PAK2: variants seen among roughly 807,000 people sequenced by gnomAD.
The protein encoded by PAK2 is p21 (RAC1) activated kinase 2.
Under a neutral mutation model 65.9 loss-of-function variants are expected in PAK2, and 21 were observed. The ratio of observed to expected loss-of-function variants is 0.32; its 90% confidence interval spans 0.23 to 0.46. The LOEUF is 0.46. Ranked by LOEUF, PAK2 falls within the 20% of genes least tolerant of loss-of-function variation. PAK2 has a pLI of 1.00. For missense variants in PAK2, 324 were observed against 642.6 expected (o/e 0.50, Z 5.36); for synonymous variants, 204 against 219.7 (o/e 0.93, Z 0.63).
chr3:196,778,542 A>G (rs1225535189), intron 1 of PAK2, among the ~76,000 whole-genome samples: 1 of 152,212 alleles, frequency 6.6e-6, no homozygotes, highest in Non-Finnish European at 1.5e-5. Flanking sequence ...GATTTCCTGT[A>G]TACCTATCAC....
At chr3:196,765,035 G>A (rs185462550) in intron 1 of PAK2, among the ~76,000 whole-genome samples, 8,781 of 151,000 alleles carry the variant, frequency 0.058, 347 homozygotes, top group African/African-American at 0.11. Flanking sequence ...TAGTAGAGAC[G>A]AGGTTTCACC....
chr3:196,786,241 C>T (rs534884442), intron 2 of PAK2, among the ~76,000 whole-genome samples: 7 of 151,534 alleles, frequency 4.6e-5, no homozygotes, highest in South Asian at 2.1e-4. Flanking sequence ...CAGCTCTCTG[C>T]AACCTCCGCC....
chr3:196,765,979 A>C (rs978351823), intron 1 of PAK2, among the ~76,000 whole-genome samples: 1 of 151,320 alleles, frequency 6.6e-6, no homozygotes, highest in East Asian at 1.9e-4. Context: ...GGCTCACTGC[A>C]AGCTCCACCT....
chr3:196,817,774 A>G (rs1391161916), intron 11 of PAK2, among the ~76,000 whole-genome samples: 1 of 152,182 alleles, frequency 6.6e-6, no homozygotes, highest in Admixed American at 6.6e-5. Flanking sequence ...GCAAGACATT[A>G]TACAGACCCA....
chr3:196,797,823 A>G (rs1045502508), intron 2 of PAK2, among the ~76,000 whole-genome samples: 2 of 152,234 alleles, frequency 1.3e-5, no homozygotes, highest in African/African-American at 2.4e-5. Flanking sequence ...TAATTCAATT[A>G]GAAATCAGTC....
At chr3:196,813,138 C>T (rs1269519857) in intron 10 of PAK2, among the ~76,000 whole-genome samples, 2 of 152,048 alleles carry the variant, frequency 1.3e-5, no homozygotes, top group East Asian at 1.9e-4. Context: ...GGCTGTGATT[C>T]GTGTCTTGAC....
chr3:196,744,432 G>A (rs1713302624), intron 1 of PAK2, among the ~76,000 whole-genome samples: 1 of 152,102 alleles, frequency 6.6e-6, no homozygotes, highest in African/African-American at 2.4e-5. Context: ...AAAATTCTTT[G>A]GGAGACTGAG....
intron 1 of PAK2, among the ~76,000 whole-genome samples, chr3:196,752,586 T>TTTTA (rs988043611): frequency 4.6e-5 from 7 of 152,006 alleles, no homozygotes; most frequent in African/African-American, 7.3e-5. Flanking sequence ...GGTAATTTTG[T>TTTTA]TTTATTTATT....
intron 2 of PAK2, chr3:196,784,940 C>G (rs1714835879): frequency 6.6e-6 from 1 of 152,198 alleles, no homozygotes; most frequent in East Asian, 1.9e-4. Context: ...GAGATGGTAT[C>G]TCATTGTGGT....
chr3:196,797,073 A>G (rs974428976), intron 2 of PAK2, among the ~76,000 whole-genome samples: 1 of 152,146 alleles, frequency 6.6e-6, no homozygotes, highest in African/African-American at 2.4e-5. Context: ...CGTAACTATC[A>G]GCCAACTTGA....
In PAK2 at chr3:196,803,109, A is replaced by G. The variant is rs757566107; in HGVS notation, c.381A>G (p.Leu127=). ...KKNPQAVLDV[L]KFYDSNTVKQ... The stretch of plus-strand genomic sequence containing the variant: ...ATCCTCAGGCTGTGCTGGATGTCCT[A>G]AAGTTCTACGACTCCAACACAGTGA... The change falls in exon 4 of 15, where the codon CTA becomes CTG. Residue 127 remains leucine (L), a synonymous_variant. Transcript: ENST00000327134. 5 of 1,613,096 alleles carry G rather than the reference A, an allele frequency of 3.1e-6. No homozygotes were observed. Among genetic ancestry groups the G allele is most frequent in the African/African-American group, 2.7e-5 (2 of 74,888 alleles).
chr3:196,806,482 CAAA>C, intron 5 of PAK2, 94 bp from the exon 6 acceptor site: 3 of 729,624 alleles, frequency 4.1e-6, no homozygotes, highest in South Asian at 3.1e-5. Flanking sequence ...AATGAGCTAT[CAAA>C]GAAGCAAACT....
intron 1 of PAK2, among the ~76,000 whole-genome samples, chr3:196,775,146 A>G (rs569257141): frequency 4.3e-4 from 65 of 152,200 alleles, no homozygotes; most frequent in Non-Finnish European, 8.2e-4. Flanking sequence ...CATTAGGGAC[A>G]TCTCTGACTC....
intron 1 of PAK2, among the ~76,000 whole-genome samples, chr3:196,743,956 A>G (rs185233200): frequency 3.3e-5 from 5 of 152,362 alleles, no homozygotes; most frequent in Non-Finnish European, 2.9e-5. Flanking sequence ...CTAAAAATAA[A>G]AATTACTTTT....
At chr3:196,815,257 A>C (rs1160371744) in intron 11 of PAK2, among the ~76,000 whole-genome samples, 1 of 151,382 alleles carries the variant, frequency 6.6e-6, no homozygotes, top group Non-Finnish European at 1.5e-5. Context: ...TTGGGAGGCC[A>C]AGGCAGGCAG....
intron 1 of PAK2, among the ~76,000 whole-genome samples, chr3:196,759,319 G>A (rs767437632): frequency 6.6e-6 from 1 of 151,886 alleles, no homozygotes; most frequent in Non-Finnish European, 1.5e-5. Context: ...TTCACCAGAG[G>A]CAAACTTTTC....
intron 1 of PAK2, among the ~76,000 whole-genome samples, chr3:196,751,060 A>G (rs1713563771): frequency 6.6e-6 from 1 of 152,142 alleles, no homozygotes; most frequent in African/African-American, 2.4e-5. Context: ...AGCCCCCAGT[A>G]GCCTATCTCT....
rs1462441217 is a variant in PAK2 at position 196,764,833 on chromosome 3, TTTTC to T, written c.-21-17785_-21-17782del. Among the ~76,000 whole-genome samples the T allele has an allele frequency of 1.1e-4, 16 of 144,950 alleles. No individual in the cohort carries two copies. The East Asian group carries it at 2.1e-3, about 19-fold the overall frequency. ...TGCACCGACCCCAAATTTTCTTTTC[TTTTC>T]TTTCTTTTTTTTTTTTTTTTTTTGA... On this transcript the variant is annotated intron_variant, in intron 1 of 14. Coordinates refer to ENST00000327134, the MANE Select transcript of PAK2 (RefSeq NM_002577.4).
At position 196,745,139 on chromosome 3, in the gene PAK2, A is replaced by G. The variant is rs192908617; in HGVS notation, c.-22+4982A>G. 8.6e-4 allele frequency among the ~76,000 whole-genome samples: 125 copies of G among 145,836 alleles called. 2 individuals carry two copies. The highest frequency in any genetic ancestry group is 7.0e-4 in the Admixed American group (10 of 14,366). ...TCAATCTTTTTTTTTTTTTTGTGAC[A>G]GAGTCTCACTCTGTCACTCAGGCTG... On this transcript the variant is annotated intron_variant, in intron 1 of 14. Transcript: ENST00000327134.
Sources: allele counts gnomAD v4.1 joint callset (sites outside exome capture counted in the v4.1 genomes callset), GRCh38; gene constraint gnomAD v4.1.1; transcripts MANE v1.5; gene names NCBI Gene and HGNC (gene_info 2026-07-23, HGNC 2026-07-21).